The following SHISA9 variants were observed in gnomAD, a reference collection of about 807,000 sequenced individuals.
SHISA9 encodes protein shisa-9.
A neutral mutation model predicts 38.0 loss-of-function variants in SHISA9; 13 were observed. The observed-to-expected ratio is 0.34, with a 90% CI of 0.22 to 0.54. The LOEUF (loss-of-function observed/expected upper bound fraction) is 0.54. Among genes scored for constraint, SHISA9 ranks in the 20% least tolerant of loss-of-function variants. The pLI, the probability that SHISA9 is intolerant of heterozygous loss-of-function variation, is 0.91. For missense variants in SHISA9, 538 were observed against 575.8 expected (o/e 0.93, Z 0.67); for synonymous variants, 275 against 242.0 (o/e 1.14, Z -1.27).
the SHISA9 span, among the ~76,000 whole-genome samples, chr16:13,475,667 A>G: frequency 6.6e-6 from 1 of 152,160 alleles, no homozygotes; most frequent in Non-Finnish European, 1.5e-5. Flanking sequence ...TATCACATTT[A>G]TTGCGGATTT....
the SHISA9 span, among the ~76,000 whole-genome samples, chr16:13,297,879 C>T: frequency 6.6e-6 from 1 of 152,180 alleles, no homozygotes. Context: ...GCTTCAGCCT[C>T]TTGAGTAGCT....
the SHISA9 span, among the ~76,000 whole-genome samples, chr16:13,511,580 G>T: frequency 6.6e-6 from 1 of 152,134 alleles, no homozygotes; most frequent in Admixed American, 6.5e-5. Context: ...ACAAGTCAGT[G>T]ATCACTGAAA....
At chr16:13,416,743 AAAGGAAGGAAGG>A in the SHISA9 span, among the ~76,000 whole-genome samples, 207 of 113,512 alleles carry the variant, frequency 1.8e-3, 1 homozygote, top group African/African-American at 6.5e-3. Context: ...AGAAAGAAAG[AAAGGAAGGAAGG>A]AAGGAAGGAA....
chr16:13,042,412 A>G (rs1195613027), intron 2 of SHISA9, among the ~76,000 whole-genome samples: 2 of 152,190 alleles, frequency 1.3e-5, no homozygotes, highest in Non-Finnish European at 2.9e-5. Context: ...GTAGCATTGG[A>G]TGGGACAAAA....
intron 2 of SHISA9, among the ~76,000 whole-genome samples, chr16:13,076,539 G>C: frequency 6.6e-6 from 1 of 151,990 alleles, no homozygotes; most frequent in East Asian, 1.9e-4. Context: ...TAGAGGTATA[G>C]AACAAGATAG....
At chr16:13,313,787 C>T in the SHISA9 span, among the ~76,000 whole-genome samples, 1 of 152,170 alleles carries the variant, frequency 6.6e-6, no homozygotes, top group Admixed American at 6.5e-5. Flanking sequence ...AAATTATCTA[C>T]AGCTCTCTGG....
At chr16:13,558,858 T>G in the SHISA9 span, among the ~76,000 whole-genome samples, 1 of 152,238 alleles carries the variant, frequency 6.6e-6, no homozygotes, top group Non-Finnish European at 1.5e-5. Context: ...TAGGAATGTT[T>G]TCATCACCTG....
chr16:12,977,005 A>T lies in SHISA9; in HGVS notation c.691+60190A>T, dbSNP rs188805579. Among the ~76,000 whole-genome samples, 46 of 152,332 alleles carry T rather than the reference A, an allele frequency of 3.0e-4. 2 individuals are homozygous for T. In the East Asian group the frequency reaches 7.7e-3, roughly 26 times the overall value. On this transcript the variant is annotated intron_variant, in intron 2 of 4. Transcript: ENST00000558583. ...GTAAGCTTGAGAGACATGAAAAAAG[A>T]GGGAGCAGTGCGAGCAGAGAATGCC...
intron 3 of SHISA9, chr16:13,204,748 G>A (rs1041626201): frequency 6.6e-6 from 1 of 152,196 alleles, no homozygotes. Flanking sequence ...AAGACACAAT[G>A]ATTATCCCAA....
At chr16:13,475,471 A>T in the SHISA9 span, among the ~76,000 whole-genome samples, 291 of 152,148 alleles carry the variant, frequency 1.9e-3, 1 homozygote, top group African/African-American at 6.7e-3. Context: ...TTTGACAAAT[A>T]TGTGTCAGGC....
chr16:13,111,842 G>C (rs1489430869), intron 2 of SHISA9, among the ~76,000 whole-genome samples: 3 of 152,178 alleles, frequency 2.0e-5, no homozygotes, highest in Admixed American at 6.5e-5. Context: ...GATTGTTCCT[G>C]GATAGGTGAG....
At chr16:13,155,958 G>A (rs560718018) in intron 2 of SHISA9, among the ~76,000 whole-genome samples, 22 of 152,308 alleles carry the variant, frequency 1.4e-4, no homozygotes, top group South Asian at 4.1e-4. Context: ...ATGTGTTTGC[G>A]GGGATGCCAA....
At chr16:13,485,177 G>A in the SHISA9 span, among the ~76,000 whole-genome samples, 3 of 151,906 alleles carry the variant, frequency 2.0e-5, no homozygotes, top group African/African-American at 7.3e-5. Context: ...GTGTCCTAAT[G>A]CTTTCCCTCC....
At chr16:13,153,124 G>C (rs1217679951) in intron 2 of SHISA9, among the ~76,000 whole-genome samples, 1 of 152,126 alleles carries the variant, frequency 6.6e-6, no homozygotes, top group Non-Finnish European at 1.5e-5. Context: ...ACACGGCTTT[G>C]CTGACACCTT....
At chr16:13,367,677 G>T in the SHISA9 span, among the ~76,000 whole-genome samples, 1 of 144,300 alleles carries the variant, frequency 6.9e-6, no homozygotes, top group Admixed American at 7.0e-5. Context: ...GATGTTTCCT[G>T]AAGTGTACAC....
the SHISA9 span, among the ~76,000 whole-genome samples, chr16:13,276,764 G>C: frequency 6.6e-6 from 1 of 151,934 alleles, no homozygotes; most frequent in Non-Finnish European, 1.5e-5. Context: ...TGATGGGATT[G>C]TTTGATTTTG....
the SHISA9 span, among the ~76,000 whole-genome samples, chr16:13,284,591 C>T: frequency 3.3e-5 from 5 of 151,996 alleles, no homozygotes; most frequent in South Asian, 1.0e-3. Context: ...TTATGCATTT[C>T]ATTATTTATT....
chr16:12,996,548 C>T (rs1320494374), intron 2 of SHISA9, among the ~76,000 whole-genome samples: 1 of 152,198 alleles, frequency 6.6e-6, no homozygotes, highest in Non-Finnish European at 1.5e-5. Context: ...CATTGCACAT[C>T]TCCACTCCTA....
chr16:12,985,974 G>A (rs1182568124), intron 2 of SHISA9, among the ~76,000 whole-genome samples: 1 of 152,118 alleles, frequency 6.6e-6, no homozygotes, highest in Non-Finnish European at 1.5e-5. Flanking sequence ...CGGTGGGGCC[G>A]ACTTACACTC....
Sources: gnomAD v4.1 joint callset for allele counts (sites outside exome capture counted in the v4.1 genomes callset) on GRCh38, gnomAD v4.1.1 for gene constraint, MANE v1.5 for transcripts, NCBI Gene and HGNC (gene_info 2026-07-23, HGNC 2026-07-21) for gene names.